The following SEC16B variants were observed in gnomAD, a reference collection of about 807,000 sequenced individuals.
SEC16B encodes protein transport protein Sec16B.
Under a neutral mutation model 141.8 loss-of-function variants are expected in SEC16B, and 115 were observed. The ratio of observed to expected loss-of-function variants is 0.81; its 90% CI spans 0.70 to 0.95. The LOEUF (loss-of-function observed/expected upper bound fraction) is 0.95, where lower values mean the gene tolerates loss of function less well. Ranked by LOEUF, SEC16B falls within the 40% of genes least tolerant of loss-of-function variation. SEC16B has a pLI of 0.00. For missense variants in SEC16B, 1,291 were observed against 1,312.3 expected, an observed-to-expected ratio of 0.98 and a Z score of 0.25; for synonymous variants, 493 against 492.5, an observed-to-expected ratio of 1.00 and a Z score of -0.01.
At position 177,965,147 on chromosome 1, in the gene SEC16B, A is replaced by G; in HGVS notation, c.433T>C (p.Tyr145His). 1 of 1,613,512 alleles carries G rather than the reference A, an allele frequency of 6.2e-7. No homozygotes were observed. The highest frequency in any genetic ancestry group is 1.1e-5 in the South Asian group (1 of 90,954). The change falls in exon 4 of 26, where the codon TAT (tyrosine) becomes CAT (histidine). Residue 145 changes from tyrosine (Y) to histidine (H), a missense_variant. By Grantham distance (83) the Tyr-to-His change is moderately conservative. Around this residue, in one of 3 missense-constraint regions of SEC16B, gnomAD observed 681 missense variants for 675.5 expected, o/e 1.01. Coordinates refer to ENST00000308284, the MANE Select transcript of SEC16B (RefSeq NM_033127.4). ...TCTCGGTAATCTTCGTGCCAGATAT[A>G]AGGACTCCGTTGCCTTGGCACTGCA... is the stretch of plus-strand genomic sequence containing the variant. ...EERVPRQRSP[Y>H]IWHEDYREQK...
intron 11 of SEC16B, 103 bp downstream of exon 11, chr1:177,954,176 G>T: frequency 4.0e-6 from 3 of 746,160 alleles, no homozygotes; most frequent in South Asian, 1.7e-5. Flanking sequence ...CCTGGAGTGT[G>T]AGTCTCCTTA....
chr1:177,967,270 T>C (rs1653603691), intron 2 of SEC16B, among the ~76,000 whole-genome samples: 2 of 152,156 alleles, frequency 1.3e-5, no homozygotes, highest in South Asian at 4.1e-4. Context: ...AATCCCAAGG[T>C]AGAGTGGTCC....
At chr1:177,952,132 G>T in intron 11 of SEC16B, 137 bp from the exon 12 acceptor site, 1 of 717,948 alleles carries the variant, frequency 1.4e-6, no homozygotes, top group South Asian at 1.7e-5. Flanking sequence ...TTTGCTTTCT[G>T]CTGTGCCTCT....
chr1:177,960,751 G>A (rs761769870), intron 7 of SEC16B, 40 bp downstream of exon 7: 15 of 1,563,870 alleles, frequency 9.6e-6, no homozygotes, highest in African/African-American at 5.4e-5. Context: ...AGTTGGGTAA[G>A]CAGTGTGCCA....
intron 17 of SEC16B, among the ~76,000 whole-genome samples, 175 bp downstream of exon 17, chr1:177,940,435 G>A (rs1651191551): frequency 6.6e-6 from 1 of 152,206 alleles, no homozygotes; most frequent in South Asian, 2.1e-4. Flanking sequence ...CAGGGAAGCT[G>A]AGTCCCACCC....
chr1:177,952,843 T>G lies in SEC16B; in HGVS notation c.1464-848A>C, dbSNP rs1347827591. ...AATACAATTTCTGTGTTCCTCACCA[T>G]TCCAGTCTCAGAGGATAATAAAGTG... On this transcript the variant is annotated intron_variant, in intron 11 of 25. Coordinates refer to ENST00000308284, the MANE Select transcript of SEC16B (RefSeq NM_033127.4). 2.0e-5 allele frequency among the ~76,000 whole-genome samples: 3 copies of G among 152,110 alleles called. No individual in the cohort carries two copies. In the East Asian group the frequency reaches 5.8e-4, roughly 29 times the overall value.
chr1:177,932,021 C>T (rs1289143640), intron 24 of SEC16B, among the ~76,000 whole-genome samples: 1 of 152,068 alleles, frequency 6.6e-6, no homozygotes, highest in Admixed American at 6.5e-5. Flanking sequence ...CCCTAACCCC[C>T]AGTACCTCAG....
chr1:177,973,978 G>A (rs1019838506), upstream of SEC16B, among the ~76,000 whole-genome samples: 27 of 152,012 alleles, frequency 1.8e-4, no homozygotes, highest in African/African-American at 6.5e-4. Context: ...GGAGAGACTG[G>A]AGGAGAAGGG....
chr1:177,952,068 G>T, intron 11 of SEC16B, 73 bp from the exon 12 acceptor site: 1 of 1,271,758 alleles, frequency 7.9e-7, no homozygotes, highest in Non-Finnish European at 1.1e-6. Context: ...AAGGCTCAGG[G>T]CCTTGCATAA....
chr1:177,939,707 G>A lies in SEC16B; in HGVS notation c.2198C>T (p.Thr733Ile). 6.3e-7 allele frequency: 1 copy of A among 1,591,914 alleles called. No individual in the cohort carries two copies. Among genetic ancestry groups the A allele is most frequent in the Non-Finnish European group, 8.6e-7 (1 of 1,167,460 alleles). ...RSDISGAGGT[T>I]TENTFYQDFS... ...CAGTTCATCATTTTGGGTACCTGTT[G>A]TTGTTCCTCCGGCTCCCGAAATATC... The change falls in exon 18 of 26, where the codon ACA (threonine) becomes ATA (isoleucine). Residue 733 changes from threonine (T) to isoleucine (I), a missense_variant. Thr to Ile is a moderately conservative substitution (Grantham distance 89). Transcript: ENST00000308284.
chr1:177,961,369 G>A, intron 6 of SEC16B: 1 of 541,502 alleles, frequency 1.8e-6, no homozygotes, highest in Non-Finnish European at 3.2e-6. Flanking sequence ...ACTTGATAAT[G>A]GATAGGGGCA....
intron 12 of SEC16B, among the ~76,000 whole-genome samples, chr1:177,949,526 G>C (rs1391565825): frequency 1.4e-5 from 2 of 148,126 alleles, no homozygotes; most frequent in African/African-American, 4.9e-5. Flanking sequence ...GGACACAGTA[G>C]AGAGAGAGAG....
intron 1 of SEC16B, 123 bp from the exon 2 acceptor site, chr1:177,968,162 G>A (rs1345699824): frequency 3.8e-6 from 2 of 525,372 alleles, no homozygotes; most frequent in East Asian, 2.8e-5. Flanking sequence ...AAACCATATG[G>A]TCACGGATAC....
At chr1:177,937,851 T>C (rs1650975736) in intron 18 of SEC16B, among the ~76,000 whole-genome samples, 1 of 151,838 alleles carries the variant, frequency 6.6e-6, no homozygotes, top group Non-Finnish European at 1.5e-5. Context: ...GGATGGGAGG[T>C]GAGACACCCC....
intron 2 of SEC16B, among the ~76,000 whole-genome samples, chr1:177,966,315 A>C (rs1038829706): frequency 1.4e-4 from 22 of 152,288 alleles, no homozygotes; most frequent in African/African-American, 4.8e-4. Context: ...AAACACATAC[A>C]TATTATCTTA....
intron 5 of SEC16B, among the ~76,000 whole-genome samples, chr1:177,963,445 A>G (rs984116855): frequency 6.6e-6 from 1 of 152,130 alleles, no homozygotes. Flanking sequence ...TCTACTAAAA[A>G]TACAAAAATT....
intron 20 of SEC16B, among the ~76,000 whole-genome samples, chr1:177,934,065 C>T (rs1191303756): frequency 6.6e-6 from 1 of 151,446 alleles, no homozygotes; most frequent in East Asian, 1.9e-4. Flanking sequence ...TCCTAACAGA[C>T]TTGCTCAAGC....
intron 19 of SEC16B, 128 bp downstream of exon 19, chr1:177,937,086 A>T: frequency 9.8e-7 from 1 of 1,017,488 alleles, no homozygotes; most frequent in Non-Finnish European, 1.4e-6. Flanking sequence ...ACGGGCACAC[A>T]TCCACGCATC....
chr1:177,961,866 G>A, intron 5 of SEC16B, 132 bp from the exon 6 acceptor site: 1 of 880,704 alleles, frequency 1.1e-6, no homozygotes, highest in South Asian at 1.5e-5. Context: ...TAATCAAGTT[G>A]ATAGGCATTT....
Sources: gnomAD v4.1 joint callset for allele counts (sites outside exome capture counted in the v4.1 genomes callset) on GRCh38, gnomAD v4.1.1 for gene constraint, gnomAD v4.1.1 regional missense constraint, MANE v1.5 for transcripts, NCBI Gene and HGNC (gene_info 2026-07-23, HGNC 2026-07-21) for gene names.